ADAMTS3: variants seen among roughly 807,000 people sequenced by gnomAD.
The protein encoded by ADAMTS3 is ADAM metallopeptidase with thrombospondin type 1 motif 3, also known as A disintegrin and metalloproteinase with thrombospondin motifs 3.
Under a neutral mutation model 129.0 loss-of-function variants are expected in ADAMTS3, and 73 were observed. The observed-to-expected ratio is 0.57, with a 90% CI of 0.47 to 0.69. ADAMTS3 has a LOEUF of 0.69. Ranked by LOEUF, ADAMTS3 falls within the 30% of genes least tolerant of loss-of-function variation. The pLI is 0.00. For synonymous variants in ADAMTS3, 477 were observed against 510.8 expected, an observed-to-expected ratio of 0.93 and a Z score of 0.89; for missense variants, 1,457 against 1,514.5, an observed-to-expected ratio of 0.96 and a Z score of 0.63.
At chr4:72,303,360 A>G (rs1200563672) in intron 17 of ADAMTS3, among the ~76,000 whole-genome samples, 2 of 152,084 alleles carry the variant, frequency 1.3e-5, no homozygotes, top group Non-Finnish European at 2.9e-5. Context: ...AACTCGCTGC[A>G]AGATCATAAA....
At chr4:72,360,825 C>T (rs1350270615) in intron 4 of ADAMTS3, among the ~76,000 whole-genome samples, 1 of 152,018 alleles carries the variant, frequency 6.6e-6, no homozygotes, top group Non-Finnish European at 1.5e-5. Context: ...TGGTACAAAA[C>T]ATGCATGTTC....
At chr4:72,482,524 G>T (rs1220109716) in intron 3 of ADAMTS3, among the ~76,000 whole-genome samples, 1 of 152,078 alleles carries the variant, frequency 6.6e-6, no homozygotes, top group East Asian at 1.9e-4. Context: ...TGGGGTGGGA[G>T]AAAAGTGGTC....
In ADAMTS3 at chr4:72,445,571, A is replaced by T. The variant is rs953199185; in HGVS notation, c.505-30600T>A. ...AAGTTTGAAAGGGGAAACATAGTGA[A>T]CAAAAACAAAATGATAAAATCTTAC... is the stretch of plus-strand genomic sequence containing the variant. On this transcript the variant is annotated intron_variant, in intron 3 of 21. Coordinates refer to ENST00000286657, the MANE Select transcript of ADAMTS3 (RefSeq NM_014243.3). 4.6e-5 allele frequency among the ~76,000 whole-genome samples: 7 copies of T among 151,826 alleles called. No individual in the cohort carries two copies. The South Asian group carries it at 1.5e-3, about 31-fold the overall frequency.
At chr4:72,473,339 T>C (rs1459403119) in intron 3 of ADAMTS3, among the ~76,000 whole-genome samples, 1 of 152,052 alleles carries the variant, frequency 6.6e-6, no homozygotes, top group Admixed American at 6.5e-5. Context: ...TTTTTGCTTC[T>C]TTTATCCCAG....
rs184047327 is a variant in ADAMTS3 at position 72,441,044 on chromosome 4, G to T, written c.505-26073C>A. Among the ~76,000 whole-genome samples the T allele has an allele frequency of 2.7e-3, 408 of 151,816 alleles. 2 individuals are homozygous for T. Among genetic ancestry groups the T allele is most frequent in the Non-Finnish European group, 3.2e-3 (216 of 67,788 alleles). ...AGGACATATCTGTGAGTCTCAAAAA[G>T]TTTTCATGCCTTTCTCCAGTCAGTT... is the stretch of plus-strand genomic sequence containing the variant. On this transcript the variant is annotated intron_variant, in intron 3 of 21. Transcript: ENST00000286657.
intron 3 of ADAMTS3, among the ~76,000 whole-genome samples, chr4:72,499,478 T>G (rs1719953472): frequency 6.6e-6 from 1 of 152,162 alleles, no homozygotes; most frequent in African/African-American, 2.4e-5. Flanking sequence ...AACATACCTC[T>G]TAGTCTAAAA....
chr4:72,298,588 A>G (rs1718869189), intron 17 of ADAMTS3, 146 bp from the exon 18 acceptor site: 1 of 609,246 alleles, frequency 1.6e-6, no homozygotes. Context: ...ATTTCTATAA[A>G]CCATAGTGCA....
chr4:72,439,244 A>C (rs1008212797), intron 3 of ADAMTS3, among the ~76,000 whole-genome samples: 2 of 151,764 alleles, frequency 1.3e-5, no homozygotes, highest in Non-Finnish European at 2.9e-5. Context: ...CACAAAATAC[A>C]GTTTGAAATC....
At chr4:72,423,010 C>T (rs1322363032) in intron 3 of ADAMTS3, among the ~76,000 whole-genome samples, 1 of 152,104 alleles carries the variant, frequency 6.6e-6, no homozygotes, top group Non-Finnish European at 1.5e-5. Context: ...TCAAAAATTA[C>T]AATGTTTTCT....
chr4:72,360,176 C>G (rs1240682319), intron 4 of ADAMTS3, among the ~76,000 whole-genome samples: 3 of 152,006 alleles, frequency 2.0e-5, no homozygotes, highest in Non-Finnish European at 4.4e-5. Context: ...CACAAATAGT[C>G]CAACTGTGTG....
intron 2 of ADAMTS3, among the ~76,000 whole-genome samples, chr4:72,565,750 C>T (rs972148269): frequency 5.9e-5 from 9 of 152,288 alleles, no homozygotes; most frequent in African/African-American, 1.9e-4. Flanking sequence ...TTAAGGACAC[C>T]TGTACTATTT....
chr4:72,538,080 T>C (rs554183644), intron 3 of ADAMTS3, among the ~76,000 whole-genome samples: 2 of 151,938 alleles, frequency 1.3e-5, no homozygotes, highest in South Asian at 2.1e-4. Context: ...ACCACGGAAA[T>C]ACCAAGTCTG....
chr4:72,520,574 G>C (rs551026707), intron 3 of ADAMTS3, among the ~76,000 whole-genome samples: 2 of 152,164 alleles, frequency 1.3e-5, no homozygotes, highest in African/African-American at 2.4e-5. Context: ...CCTCGCTGCC[G>C]CCTTGCAGTT....
At chr4:72,294,686 T>A (rs1051152896) in intron 19 of ADAMTS3, among the ~76,000 whole-genome samples, 1 of 152,044 alleles carries the variant, frequency 6.6e-6, no homozygotes, top group Non-Finnish European at 1.5e-5. Flanking sequence ...AAAATGACGG[T>A]CCTACAAACT....
chr4:72,375,906 T>C (rs1721122933), intron 4 of ADAMTS3, among the ~76,000 whole-genome samples: 1 of 152,064 alleles, frequency 6.6e-6, no homozygotes, highest in Non-Finnish European at 1.5e-5. Flanking sequence ...ATCAGGGCAT[T>C]ATGTGGAATA....
Position 72,319,456 on chromosome 4 carries a change from C to T in ADAMTS3, c.1228G>A (p.Gly410Arg). The part of the protein sequence containing the change: ...TGHVLGMEHD[G>R]QGNRCGDETA... ...TCATCACCACACCTGTTGCCTTGTC[C>T]ATCATGCTCCATTCCCAACCTAGAA... The change falls in exon 9 of 22, where the codon GGA (glycine) becomes AGA (arginine). Residue 410 changes from glycine to arginine, a missense_variant. Gly to Arg is a moderately radical substitution (Grantham distance 125). Coordinates refer to ENST00000286657, the MANE Select transcript of ADAMTS3 (RefSeq NM_014243.3). 1 of 1,613,378 alleles carries T rather than the reference C, an allele frequency of 6.2e-7. No homozygotes were observed. Among genetic ancestry groups the T allele is most frequent in the Non-Finnish European group, 8.5e-7 (1 of 1,179,792 alleles).
intron 3 of ADAMTS3, among the ~76,000 whole-genome samples, chr4:72,482,724 A>G (rs943351478): frequency 2.0e-5 from 3 of 152,156 alleles, no homozygotes; most frequent in Non-Finnish European, 2.9e-5. Context: ...TATCTCAAAA[A>G]GGTTTAATTT....
chr4:72,385,179 CA>C (rs60931708), intron 4 of ADAMTS3, among the ~76,000 whole-genome samples: 58 of 117,784 alleles, frequency 4.9e-4, no homozygotes, highest in Non-Finnish European at 3.8e-4. Context: ...GACTCTGTCT[CA>C]AAAAAAAAAA....
rs142109299 is a variant in ADAMTS3 at position 72,419,909 on chromosome 4, G to A, written c.505-4938C>T. ...AAATAAATAAAAAAGAATGTTGATCGGATGGACTAGAACAAAATACTATTT... is the reference window on the plus strand; with the variant it reads ...AAATAAATAAAAAAGAATGTTGATCAGATGGACTAGAACAAAATACTATTT... On this transcript the variant is annotated intron_variant, in intron 3 of 21. Transcript: ENST00000286657. Among the ~76,000 whole-genome samples the A allele has an allele frequency of 1.7e-3, 259 of 152,150 alleles. 1 individual carries two copies. Among genetic ancestry groups the A allele is most frequent in the African/African-American group, 5.7e-3 (238 of 41,512 alleles).
Sources: gnomAD v4.1 joint callset for allele counts (sites outside exome capture counted in the v4.1 genomes callset) on GRCh38, gnomAD v4.1.1 for gene constraint, MANE v1.5 for transcripts, NCBI Gene and HGNC (gene_info 2026-07-23, HGNC 2026-07-21) for gene names.